ARFGEF2: variants seen among roughly 807,000 people sequenced by gnomAD.
The protein encoded by ARFGEF2 is ARF guanine nucleotide exchange factor 2.
In ARFGEF2, 74 loss-of-function variants were observed where a neutral mutation model predicts 219.9. The ratio of observed to expected loss-of-function variants is 0.34; its 90% CI spans 0.28 to 0.41. ARFGEF2 has a LOEUF of 0.41. Among genes scored for constraint, ARFGEF2 ranks in the 10% least tolerant of loss-of-function variants. The pLI is 1.00. For missense variants in ARFGEF2, 1,743 were observed against 2,218.3 expected, an observed-to-expected ratio of 0.79 and a Z score of 4.30; for synonymous variants, 733 against 799.2, an observed-to-expected ratio of 0.92 and a Z score of 1.40.
chr20:48,994,353 A>G, intron 21 of ARFGEF2, 98 bp from the exon 22 acceptor site: 1 of 1,503,884 alleles, frequency 6.6e-7, no homozygotes. Context: ...GCATAACTCC[A>G]TTGAACCAAC....
intron 37 of ARFGEF2, 94 bp downstream of exon 37, chr20:49,028,762 A>T: frequency 7.1e-7 from 1 of 1,402,286 alleles, no homozygotes; most frequent in Non-Finnish European, 9.8e-7. Context: ...AGAAAAATAC[A>T]TGCTGACACT....
intron 3 of ARFGEF2, among the ~76,000 whole-genome samples, chr20:48,945,038 G>A (rs2091017479): frequency 6.6e-6 from 1 of 152,162 alleles, no homozygotes; most frequent in Non-Finnish European, 1.5e-5. Flanking sequence ...CCTTCTGGCT[G>A]CAGACAGCTG....
intron 1 of ARFGEF2, 80 bp from the exon 2 acceptor site, chr20:48,941,119 C>A: frequency 7.6e-7 from 1 of 1,320,758 alleles, no homozygotes; most frequent in Non-Finnish European, 1.1e-6. Context: ...TTTCAGTGGT[C>A]TCCAAATATC....
Position 49,036,456 on chromosome 20 carries a change from A to T in ARFGEF2, c.*3257A>T. The T allele has an allele frequency of 2.6e-6, 1 of 385,162 alleles. No homozygotes were observed. Among genetic ancestry groups the T allele is most frequent in the Non-Finnish European group, 4.6e-6 (1 of 218,350 alleles). 23.9% of individuals were successfully genotyped at this position (385,162 alleles called of 1,614,324 possible). A position where few individuals can be genotyped will look rare whatever the true frequency, so the allele number is the denominator to read the frequency against. ...ATGTTTTACCTCCTTAAAATGCCTA[A>T]AAGTTAGTTAATAGTTACTTTGGTT... On this transcript the variant is annotated 3_prime_UTR_variant, in exon 39 of 39. Transcript: ENST00000371917.
intron 34 of ARFGEF2, among the ~76,000 whole-genome samples, chr20:49,022,210 G>C (rs2091569469): frequency 6.6e-6 from 1 of 150,562 alleles, no homozygotes; most frequent in Admixed American, 6.6e-5. Context: ...ACCACTAAGA[G>C]GAATAAAAGA....
Position 48,950,961 on chromosome 20 carries a change from CATT to C in ARFGEF2, c.277-361_277-359del, listed in dbSNP as rs1422125855. Among the ~76,000 whole-genome samples, 13 of 151,072 alleles carry C rather than the reference CATT, an allele frequency of 8.6e-5. No homozygotes were observed. In the East Asian group the frequency reaches 2.5e-3, roughly 29 times the overall value. On this transcript the variant is annotated intron_variant, in intron 3 of 38. Coordinates refer to ENST00000371917, the MANE Select transcript of ARFGEF2 (RefSeq NM_006420.3). Reference sequence around the variant, plus strand: ...TAACTTTAGACCATTTTTATGTTATCATTGACGATCACTCCCTATGTCTCCCTA... The same window carrying C: ...TAACTTTAGACCATTTTTATGTTATCGACGATCACTCCCTATGTCTCCCTA...
chr20:48,966,080 G>T, intron 8 of ARFGEF2, 57 bp downstream of exon 8: 1 of 1,602,302 alleles, frequency 6.2e-7, no homozygotes, highest in Non-Finnish European at 8.5e-7. Flanking sequence ...TTCAAAAGAT[G>T]CAGAATTAAG....
intron 25 of ARFGEF2, among the ~76,000 whole-genome samples, chr20:49,003,681 G>C (rs962227973): frequency 2.0e-5 from 3 of 152,154 alleles, no homozygotes; most frequent in Admixed American, 6.5e-5. Flanking sequence ...CTTGGAGCAG[G>C]CCTCTGCAAG....
chr20:48,947,001 C>T (rs1304769028), intron 3 of ARFGEF2, among the ~76,000 whole-genome samples: 1 of 151,822 alleles, frequency 6.6e-6, no homozygotes, highest in East Asian at 1.9e-4. Context: ...AGACCGGGGT[C>T]TTACTTTGTT....
intron 6 of ARFGEF2, among the ~76,000 whole-genome samples, chr20:48,961,199 A>G (rs1429737114): frequency 6.6e-6 from 1 of 151,614 alleles, no homozygotes; most frequent in African/African-American, 2.4e-5. Flanking sequence ...GGCTCTTGTA[A>G]TAGCACCTAG....
At chr20:48,950,807 AAAAAATATATAT>A (rs1467827599) in intron 3 of ARFGEF2, among the ~76,000 whole-genome samples, 12 of 44,816 alleles carry the variant, frequency 2.7e-4, no homozygotes, top group East Asian at 1.4e-3. Context: ...AAAAAAAAAA[AAAAAATATATAT>A]ATATATATAT....
At chr20:48,982,665 A>C (rs1156881834) in intron 14 of ARFGEF2, among the ~76,000 whole-genome samples, 1 of 152,114 alleles carries the variant, frequency 6.6e-6, no homozygotes, top group Non-Finnish European at 1.5e-5. Context: ...TTCGAGCTTC[A>C]CCAGCACTTT....
At chr20:48,972,295 T>C in intron 10 of ARFGEF2, 31 bp from the exon 11 acceptor site, 1 of 1,500,510 alleles carries the variant, frequency 6.7e-7, no homozygotes, top group Non-Finnish European at 9.3e-7. Flanking sequence ...AACTGTTAAT[T>C]AGTGTCCTCC....
rs894758031 is a variant in ARFGEF2 at position 49,034,940 on chromosome 20, A to G, written c.*1741A>G. The G allele has an allele frequency of 2.6e-5, 4 of 152,340 alleles. No individual in the cohort carries two copies. Among genetic ancestry groups the G allele is most frequent in the Admixed American group, 2.6e-4 (4 of 15,310 alleles). 9.4% of individuals were successfully genotyped at this position (152,340 alleles called of 1,614,324 possible). A position where few individuals can be genotyped will look rare whatever the true frequency, so the allele number is the denominator to read the frequency against. ...ATATACATTAGATAAAAGGAGCTGT[A>G]TAATTTAGCAGGAAGGGACTATGGG... is the stretch of plus-strand genomic sequence containing the variant. On this transcript the variant is annotated 3_prime_UTR_variant, in exon 39 of 39. Transcript: ENST00000371917.
At chr20:49,024,694 A>G (rs2091590359) in intron 35 of ARFGEF2, among the ~76,000 whole-genome samples, 1 of 152,178 alleles carries the variant, frequency 6.6e-6, no homozygotes, top group African/African-American at 2.4e-5. Context: ...AGGGTTTCAT[A>G]CATGTTTCAA....
At position 49,011,918 on chromosome 20, in the gene ARFGEF2, C is replaced by T. The variant is rs201525040; in HGVS notation, c.3758-6C>T. 42 of 1,614,022 alleles carry T rather than the reference C, an allele frequency of 2.6e-5. No homozygotes were observed. Among genetic ancestry groups the T allele is most frequent in the Non-Finnish European group, 3.6e-5 (42 of 1,179,986 alleles). ...CTTATGAAAAATGTGCCTTGTGTTC[C>T]CCCAGCAACTATTTTCCAGCACCAT... is the stretch of plus-strand genomic sequence containing the variant. On this transcript the variant is annotated splice_region_variant and splice_polypyrimidine_tract_variant and intron_variant, in intron 27 of 38. Coordinates refer to ENST00000371917, the MANE Select transcript of ARFGEF2 (RefSeq NM_006420.3).
chr20:49,004,715 C>CG (rs1158583151), intron 25 of ARFGEF2, among the ~76,000 whole-genome samples: 1 of 151,740 alleles, frequency 6.6e-6, no homozygotes, highest in Non-Finnish European at 1.5e-5. Context: ...TTGCTTGAAC[C>CG]GGGGAGATGG....
chr20:49,003,239 A>T (rs2091436105), intron 25 of ARFGEF2, among the ~76,000 whole-genome samples: 2 of 150,594 alleles, frequency 1.3e-5, no homozygotes, highest in Non-Finnish European at 3.0e-5. Context: ...AAGTGCTGGG[A>T]TTACAAGTGT....
intron 1 of ARFGEF2, among the ~76,000 whole-genome samples, chr20:48,929,597 G>T (rs2090900694): frequency 6.6e-6 from 1 of 152,222 alleles, no homozygotes; most frequent in African/African-American, 2.4e-5. Flanking sequence ...ACCTGGTTCT[G>T]CCAGGGCAGT....
Sources: gnomAD v4.1 joint callset for allele counts (sites outside exome capture counted in the v4.1 genomes callset) on GRCh38, gnomAD v4.1.1 for gene constraint, MANE v1.5 for transcripts, NCBI Gene and HGNC (gene_info 2026-07-23, HGNC 2026-07-21) for gene names.